IL6ST: variants seen among roughly 807,000 people sequenced by gnomAD.
IL6ST encodes the protein interleukin 6 cytokine family signal transducer, also known as interleukin-6 receptor subunit beta.
A neutral mutation model predicts 91.3 loss-of-function variants in IL6ST; 24 were observed. The observed-to-expected ratio is 0.26, with a 90% CI of 0.19 to 0.37. The LOEUF (loss-of-function observed/expected upper bound fraction) is 0.37, where lower values mean the gene tolerates loss of function less well. Among genes scored for constraint, IL6ST ranks in the 10% least tolerant of loss-of-function variants. The pLI is 1.00. For missense variants in IL6ST, 914 were observed against 1,078.5 expected (o/e 0.85, Z 2.14); for synonymous variants, 351 against 373.6 (o/e 0.94, Z 0.70).
chr5:55,969,833 A>C lies in IL6ST; in HGVS notation c.87T>G (p.Gly29=), dbSNP rs778001974. The change falls in exon 4 of 17, where the codon GGT becomes GGG. Residue 29 remains glycine, a synonymous_variant. Coordinates refer to ENST00000381298, the MANE Select transcript of IL6ST (RefSeq NM_002184.4). ...CAACTGGAGATTCAGGACTGATATA[A>C]CCACATGGATCTAGAAGTTCACCTA... ...ESTGELLDPC[G]YISPESPVVQ... 15 of 1,601,648 alleles carry C rather than the reference A, an allele frequency of 9.4e-6. No homozygotes were observed. The African/African-American group carries it at 1.5e-4, about 16-fold the overall frequency.
chr5:55,968,282 G>C lies in IL6ST; in HGVS notation c.485C>G (p.Ser162Cys). ...CAAATTTAAAATAACGTACCATTCA[G>C]ATTTTAAAGTGAAGTTTGTCTCCAA... ...THLETNFTLKSEWATHKFADC... is the reference protein window; with the variant it reads ...THLETNFTLKCEWATHKFADC... The change falls in exon 5 of 17, where the codon TCT becomes TGT. Residue 162 changes from serine (S) to cysteine (C), a missense_variant. By Grantham distance (112) the Ser-to-Cys change is moderately radical. Transcript: ENST00000381298. The C allele has an allele frequency of 6.3e-7, 1 of 1,585,098 alleles. No homozygotes were observed. The highest frequency in any genetic ancestry group is 1.2e-5 in the South Asian group (1 of 85,962).
intron 15 of IL6ST, 152 bp downstream of exon 15, chr5:55,947,341 T>G (rs1221345679): frequency 3.5e-6 from 2 of 564,082 alleles, no homozygotes; most frequent in Non-Finnish European, 6.3e-6. Flanking sequence ...GATGAAAATG[T>G]TCTATATTGT....
At position 55,970,903 on chromosome 5, in the gene IL6ST, A is replaced by AAAAAC. The variant is rs535760912; in HGVS notation, c.65-1053_65-1049dup. Among the ~76,000 whole-genome samples the AAAAAC allele has an allele frequency of 5.3e-4, 81 of 152,252 alleles. 1 individual carries two copies. Among genetic ancestry groups the AAAAAC allele is most frequent in the Admixed American group, 2.3e-3 (35 of 15,290 alleles). ...GGAGACAGAGTGAGACAGAGTCTCA[A>AAAAAC]AAAACAAAACAAAACAAAACAAACA... is the stretch of plus-strand genomic sequence containing the variant. On this transcript the variant is annotated intron_variant, in intron 3 of 16. Transcript: ENST00000381298.
chr5:55,969,189 A>G (rs1234726290), intron 4 of IL6ST, among the ~76,000 whole-genome samples: 1 of 147,702 alleles, frequency 6.8e-6, no homozygotes, highest in Admixed American at 6.7e-5. Context: ...TCTGTCACCA[A>G]AAAAAAAAAA....
intron 5 of IL6ST, among the ~76,000 whole-genome samples, chr5:55,965,168 TCTGA>T (rs1378050098): frequency 6.6e-6 from 1 of 152,140 alleles, no homozygotes; most frequent in Non-Finnish European, 1.5e-5. Flanking sequence ...AACACAGTAA[TCTGA>T]CTATTACACA....
At chr5:55,947,739 T>G in intron 14 of IL6ST, 150 bp from the exon 15 acceptor site, 1 of 579,450 alleles carries the variant, frequency 1.7e-6, no homozygotes, top group Non-Finnish European at 3.0e-6. Flanking sequence ...CTCTTCAGAC[T>G]TGATGATTTT....
chr5:55,943,563 T>C (rs190983904), intron 15 of IL6ST, among the ~76,000 whole-genome samples: 7 of 152,242 alleles, frequency 4.6e-5, no homozygotes, highest in African/African-American at 1.4e-4. Flanking sequence ...TTAAACTGAA[T>C]GCAGCAAAAT....
chr5:55,981,589 G>C (rs1001044917), intron 2 of IL6ST, among the ~76,000 whole-genome samples: 2 of 152,020 alleles, frequency 1.3e-5, no homozygotes, highest in African/African-American at 4.8e-5. Context: ...GTTGCAGCGA[G>C]CCAAGATCGT....
intron 4 of IL6ST, 147 bp downstream of exon 4, chr5:55,969,403 T>G (rs1561186900): frequency 1.8e-6 from 1 of 571,122 alleles, no homozygotes; most frequent in African/African-American, 1.9e-5. Flanking sequence ...TTGTGGTTCC[T>G]ACTTCTAAGC....
intron 2 of IL6ST, among the ~76,000 whole-genome samples, chr5:55,979,256 C>G (rs1041365158): frequency 6.6e-6 from 1 of 152,036 alleles, no homozygotes; most frequent in African/African-American, 2.4e-5. Flanking sequence ...AGAAAAAAGG[C>G]AAGAAAGTAC....
intron 1 of IL6ST, among the ~76,000 whole-genome samples, chr5:55,989,995 A>G (rs1157434040): frequency 6.6e-6 from 1 of 152,178 alleles, no homozygotes; most frequent in East Asian, 1.9e-4. Context: ...CAGAACATCC[A>G]AACAAAAAAA....
chr5:55,959,674 A>G, intron 8 of IL6ST: 1 of 1,289,234 alleles, frequency 7.8e-7, no homozygotes, highest in Non-Finnish European at 1.0e-6. Flanking sequence ...ATCAAGTGCT[A>G]TTAGAAAAAA....
Position 55,941,683 on chromosome 5 carries a change from A to T in IL6ST, c.2156T>A (p.Ile719Asn). 1 of 1,614,052 alleles carries T rather than the reference A, an allele frequency of 6.2e-7. No individual in the cohort carries two copies. Among genetic ancestry groups the T allele is most frequent in the Middle Eastern group, 1.7e-4 (1 of 5,980 alleles). The change falls in exon 17 of 17, where the codon ATT becomes AAT. Residue 719 changes from isoleucine (I) to asparagine (N), a missense_variant. Transcript: ENST00000381298. ...KSLDLFKKEK[I>N]NTEGHSSGIG... Reference sequence around the variant, plus strand: ...ACCACTGCTGTGTCCTTCAGTATTAATTTTTTCCTTTTTGAACAGGTCCAA... The same window carrying T: ...ACCACTGCTGTGTCCTTCAGTATTATTTTTTTCCTTTTTGAACAGGTCCAA...
chr5:55,950,039 T>C (rs1292464277), intron 14 of IL6ST: 2 of 270,296 alleles, frequency 7.4e-6, no homozygotes, highest in Non-Finnish European at 1.5e-5. Context: ...GAGCTTGCAG[T>C]TGAAGAAAAT....
intron 14 of IL6ST, among the ~76,000 whole-genome samples, chr5:55,948,301 A>G (rs1751402110): frequency 6.6e-6 from 1 of 152,184 alleles, no homozygotes; most frequent in Non-Finnish European, 1.5e-5. Context: ...TTAACATTGG[A>G]GATTTTTTAA....
At chr5:55,958,951 C>T (rs1304982479) in intron 8 of IL6ST, among the ~76,000 whole-genome samples, 1 of 151,792 alleles carries the variant, frequency 6.6e-6, no homozygotes, top group Non-Finnish European at 1.5e-5. Flanking sequence ...GGGAAAAAGG[C>T]TGCTGGTACA....
At position 55,994,839 on chromosome 5, in the gene IL6ST, G is replaced by T. The variant is rs532945522; in HGVS notation, c.-159C>A. 1 of 152,416 alleles carries T rather than the reference G, an allele frequency of 6.6e-6. No homozygotes were observed. Among genetic ancestry groups the T allele is most frequent in the Admixed American group, 6.5e-5 (1 of 15,304 alleles). The allele number at this position is 152,416 out of a possible 1,614,324, so 9.4% of individuals were successfully genotyped here. On this transcript the variant is annotated 5_prime_UTR_variant, in exon 1 of 17. Coordinates refer to ENST00000381298, the MANE Select transcript of IL6ST (RefSeq NM_002184.4). ...CTCCACAGCGCACGAACCCCTTGGC[G>T]CCAGGCTGGGCCAGACCCGTCGGCC...
intron 8 of IL6ST, among the ~76,000 whole-genome samples, chr5:55,958,448 TAAA>T (rs71602928): frequency 6.6e-6 from 1 of 152,076 alleles, no homozygotes; most frequent in South Asian, 2.1e-4. Context: ...AAGTTTGTCT[TAAA>T]AAAATCAATG....
At chr5:55,977,810 A>T (rs948088718) in intron 2 of IL6ST, among the ~76,000 whole-genome samples, 1 of 152,004 alleles carries the variant, frequency 6.6e-6, no homozygotes, top group Non-Finnish European at 1.5e-5. Context: ...TGGGCAACAG[A>T]GCGAGACCCC....
Sources: gnomAD v4.1 joint callset for allele counts (sites outside exome capture counted in the v4.1 genomes callset) on GRCh38, gnomAD v4.1.1 for gene constraint, MANE v1.5 for transcripts, NCBI Gene and HGNC (gene_info 2026-07-23, HGNC 2026-07-21) for gene names.